The following SEC24B variants were observed in gnomAD, a reference collection of about 807,000 sequenced individuals.
SEC24B encodes protein transport protein Sec24B.
SEC24B carries 45 observed loss-of-function variants against 142.8 expected under a neutral mutation model. That is an observed-to-expected ratio of 0.32 (90% CI 0.25 to 0.40). The LOEUF (loss-of-function observed/expected upper bound fraction) is 0.40, where lower values mean the gene tolerates loss of function less well. Ranked by LOEUF, SEC24B falls within the 10% of genes least tolerant of loss-of-function variation. The probability of loss-of-function intolerance (pLI) is 1.00; values close to 1 mark genes in which losing one functional copy is unlikely to be tolerated. For missense variants in SEC24B, 1,409 were observed against 1,526.8 expected, an observed-to-expected ratio of 0.92 and a Z score of 1.29; for synonymous variants, 574 against 568.2, an observed-to-expected ratio of 1.01 and a Z score of -0.15.
intron 1 of SEC24B, among the ~76,000 whole-genome samples, chr4:109,444,472 A>ATT (rs796951465): frequency 0.021 from 2,707 of 128,198 alleles, 35 homozygotes; most frequent in East Asian, 0.031. Flanking sequence ...AGATCCTGTG[A>ATT]TTTTTTTTTT....
rs542431857 is a variant in SEC24B at position 109,437,656 on chromosome 4, G to A, written c.133+3654G>A. On this transcript the variant is annotated intron_variant, in intron 1 of 23. Coordinates refer to ENST00000265175, the MANE Select transcript of SEC24B (RefSeq NM_006323.5). ...TTTTGTTTGTTTGAGACGGAGTCTC[G>A]CTGTGTCGCCCAGGCTGGAGTGCAG... Among the ~76,000 whole-genome samples, 6 of 151,986 alleles carry A rather than the reference G, an allele frequency of 3.9e-5. No homozygotes were observed. In the East Asian group the frequency reaches 7.8e-4, roughly 20 times the overall value.
rs1731509245 is a variant in SEC24B, at chr4:109,463,364, C to T, written c.597C>T (p.Pro199=). Residue 199 remains proline (P), a synonymous_variant, in exon 2 of 24, where the codon CCC becomes CCT. Coordinates refer to ENST00000265175, the MANE Select transcript of SEC24B (RefSeq NM_006323.5). Reference sequence around the variant, plus strand: ...CCGCGTATCCTAGTGTTTCATATCCCTCTCTGCCTGCTGGTGATACATATG... The same window carrying T: ...CCGCGTATCCTAGTGTTTCATATCCTTCTCTGCCTGCTGGTGATACATATG... ...SNAAYPSVSY[P]SLPAGDTYGQ... The T allele has an allele frequency of 1.2e-6, 2 of 1,614,088 alleles. No individual in the cohort carries two copies. The highest frequency in any genetic ancestry group is 1.7e-6 in the Non-Finnish European group (2 of 1,180,042).
At chr4:109,495,623 C>T (rs990899481) in intron 6 of SEC24B, among the ~76,000 whole-genome samples, 3 of 152,170 alleles carry the variant, frequency 2.0e-5, no homozygotes, top group African/African-American at 7.2e-5. Flanking sequence ...TTAGTTGTGA[C>T]ATTTACATGA....
Position 109,468,458 on chromosome 4 carries a change from A to G in SEC24B, c.878-4546A>G, listed in dbSNP as rs1320809686. 2.6e-5 allele frequency among the ~76,000 whole-genome samples: 4 copies of G among 152,312 alleles called. No homozygotes were observed. In the East Asian group the frequency reaches 7.7e-4, roughly 29 times the overall value. On this transcript the variant is annotated intron_variant, in intron 2 of 23. Coordinates refer to ENST00000265175, the MANE Select transcript of SEC24B (RefSeq NM_006323.5). ...GAGTATCAGCCTCAATTTCTGCTGG[A>G]CTGTGGCATTTGGATAGGTGAGAGG... is the stretch of plus-strand genomic sequence containing the variant.
At chr4:109,514,709 A>G (rs2126056839) in intron 10 of SEC24B, among the ~76,000 whole-genome samples, 1 of 152,326 alleles carries the variant, frequency 6.6e-6, no homozygotes, top group East Asian at 1.9e-4. Flanking sequence ...AAAACAAACA[A>G]ACAAACTCAA....
intron 6 of SEC24B, among the ~76,000 whole-genome samples, chr4:109,502,067 T>A (rs1313298545): frequency 6.6e-6 from 1 of 152,168 alleles, no homozygotes; most frequent in Non-Finnish European, 1.5e-5. Context: ...TTGTAGAAGT[T>A]AGGTTTGAGT....
At chr4:109,473,239 T>C (rs1732723825) in intron 3 of SEC24B, 53 bp downstream of exon 3, 2 of 1,239,464 alleles carry the variant, frequency 1.6e-6, no homozygotes, top group East Asian at 2.8e-5. Context: ...TACGTATTTA[T>C]AGAAGATATG....
At chr4:109,496,891 ATAT>A (rs142942391) in intron 6 of SEC24B, among the ~76,000 whole-genome samples, 26,492 of 152,108 alleles carry the variant, frequency 0.17, 2,580 homozygotes, top group African/African-American at 0.26. Context: ...GGGTTGTAAC[ATAT>A]TATTTACTTA....
intron 1 of SEC24B, among the ~76,000 whole-genome samples, chr4:109,440,155 A>G (rs1316156592): frequency 6.6e-6 from 1 of 151,596 alleles, no homozygotes; most frequent in Non-Finnish European, 1.5e-5. Context: ...TATTCACTCC[A>G]TATGTAAACA....
At chr4:109,439,441 CTG>C (rs36092777) in intron 1 of SEC24B, among the ~76,000 whole-genome samples, 16,322 of 129,366 alleles carry the variant, frequency 0.13, 3,151 homozygotes, top group African/African-American at 0.42. Flanking sequence ...ATTAAAGTGA[CTG>C]TGTCTGAATA....
At chr4:109,472,929 A>AGTATT in intron 2 of SEC24B, 75 bp from the exon 3 acceptor site, 2 of 447,030 alleles carry the variant, frequency 4.5e-6, no homozygotes, top group Middle Eastern at 1.5e-3. Context: ...CATTATATAT[A>AGTATT]GTATTGTATG....
chr4:109,524,593 T>A (rs1458557278), intron 14 of SEC24B, among the ~76,000 whole-genome samples: 1 of 152,096 alleles, frequency 6.6e-6, no homozygotes, highest in Non-Finnish European at 1.5e-5. Flanking sequence ...CCATATGAGA[T>A]GTGTTATGAA....
At chr4:109,492,128 A>G (rs1735081889) in intron 5 of SEC24B, among the ~76,000 whole-genome samples, 1 of 150,654 alleles carries the variant, frequency 6.6e-6, no homozygotes, top group East Asian at 1.9e-4. Flanking sequence ...ATGAAGTTTA[A>G]TTGAAGTTGG....
intron 6 of SEC24B, among the ~76,000 whole-genome samples, chr4:109,495,760 A>T (rs1156943734): frequency 1.3e-5 from 2 of 152,056 alleles, no homozygotes; most frequent in Non-Finnish European, 2.9e-5. Flanking sequence ...CATCTTGAAC[A>T]TGTCTAGCCC....
At chr4:109,469,076 G>A (rs181128432) in intron 2 of SEC24B, among the ~76,000 whole-genome samples, 12 of 152,154 alleles carry the variant, frequency 7.9e-5, no homozygotes, top group Non-Finnish European at 1.5e-4. Context: ...AGGATCACTT[G>A]AGCCCAGGAG....
chr4:109,465,947 GT>G (rs562780603), intron 2 of SEC24B, among the ~76,000 whole-genome samples: 2 of 151,888 alleles, frequency 1.3e-5, no homozygotes, highest in African/African-American at 2.4e-5. Flanking sequence ...TCAGAAGTGG[GT>G]TTTTTTCCCC....
intron 1 of SEC24B, among the ~76,000 whole-genome samples, chr4:109,455,682 C>T (rs1730595997): frequency 6.6e-6 from 1 of 152,160 alleles, no homozygotes; most frequent in African/African-American, 2.4e-5. Context: ...TGCCTTGGCA[C>T]CTTTGTCAAA....
intron 6 of SEC24B, among the ~76,000 whole-genome samples, chr4:109,497,589 A>G (rs932456186): frequency 6.6e-6 from 1 of 151,226 alleles, no homozygotes; most frequent in Non-Finnish European, 1.5e-5. Flanking sequence ...GAAGCATACC[A>G]TATGTACTTG....
intron 20 of SEC24B, among the ~76,000 whole-genome samples, 162 bp from the exon 21 acceptor site, chr4:109,532,477 G>A (rs984548860): frequency 2.0e-5 from 3 of 152,220 alleles, no homozygotes; most frequent in Admixed American, 6.5e-5. Context: ...TGAGTGTGTT[G>A]ATTCTACAGC....
Sources: gnomAD v4.1 joint callset for allele counts (sites outside exome capture counted in the v4.1 genomes callset) on GRCh38, gnomAD v4.1.1 for gene constraint, MANE v1.5 for transcripts, NCBI Gene and HGNC (gene_info 2026-07-23, HGNC 2026-07-21) for gene names.